Variants in POTEC observed in about 807,000 individuals in gnomAD.
The protein encoded by POTEC is ANKRD26-like family B member 2.
In POTEC, 35 loss-of-function variants were observed where a neutral mutation model predicts 62.0. That is an observed-to-expected ratio of 0.56 (90% CI 0.43 to 0.75). The LOEUF (loss-of-function observed/expected upper bound fraction) is 0.75, where lower values mean the gene tolerates loss of function less well. Ranked by LOEUF, POTEC falls within the 30% of genes least tolerant of loss-of-function variation. The pLI is 0.00. For synonymous variants in POTEC, 156 were observed against 221.5 expected, an observed-to-expected ratio of 0.70 and a Z score of 2.62; for missense variants, 472 against 655.9, an observed-to-expected ratio of 0.72 and a Z score of 3.06.
At chr18:14,521,894 C>A (rs1260010723) in intron 9 of POTEC, among the ~76,000 whole-genome samples, 1 of 152,082 alleles carries the variant, frequency 6.6e-6, no homozygotes, top group African/African-American at 2.4e-5. Flanking sequence ...CAAAAAACTA[C>A]CTCTCGAGTA....
At chr18:14,541,205 A>C (rs1905920931) in intron 1 of POTEC, among the ~76,000 whole-genome samples, 1 of 152,070 alleles carries the variant, frequency 6.6e-6, no homozygotes, top group Non-Finnish European at 1.5e-5. Flanking sequence ...TCCTCTTCTA[A>C]CTTAAACAGA....
At chr18:14,515,111 T>C (rs1232657807) in intron 9 of POTEC, among the ~76,000 whole-genome samples, 1 of 152,092 alleles carries the variant, frequency 6.6e-6, no homozygotes, top group Non-Finnish European at 1.5e-5. Context: ...ATTGATATTG[T>C]GAAAATGCCA....
chr18:14,518,858 G>A (rs1910237286), intron 9 of POTEC, among the ~76,000 whole-genome samples: 1 of 151,046 alleles, frequency 6.6e-6, no homozygotes, highest in South Asian at 2.1e-4. Context: ...AGCAGAGCAA[G>A]GGAGATAATT....
chr18:14,517,258 C>T (rs1910190415), intron 9 of POTEC, among the ~76,000 whole-genome samples: 1 of 152,142 alleles, frequency 6.6e-6, no homozygotes, highest in African/African-American at 2.4e-5. Flanking sequence ...TTGACTCTAA[C>T]TTATGAAAGA....
At position 14,533,070 on chromosome 18, in the gene POTEC, T is replaced by C; in HGVS notation, c.1046A>G (p.His349Arg). Residue 349 changes from histidine (H) to arginine (R), a missense_variant, in exon 5 of 11, where the codon CAT (histidine) becomes CGT (arginine). By Grantham distance (29) the His-to-Arg change is conservative. Transcript: ENST00000358970. ...QTAREYAVSS[H>R]HHVICELLSD... is the part of the protein sequence containing the mutation. Reference sequence around the variant, plus strand: ...TCATGTAAACACTTACACATGATGATGACTAGAAACAGCATACTCTCTGGC... The same window carrying C: ...TCATGTAAACACTTACACATGATGACGACTAGAAACAGCATACTCTCTGGC... The C allele has an allele frequency of 6.2e-7, 1 of 1,610,356 alleles. No individual in the cohort carries two copies. The highest frequency in any genetic ancestry group is 2.3e-4 in the Middle Eastern group (1 of 4,414).
At chr18:14,514,250 T>G (rs1180560049) in intron 9 of POTEC, among the ~76,000 whole-genome samples, 1 of 151,394 alleles carries the variant, frequency 6.6e-6, no homozygotes, top group Non-Finnish European at 1.5e-5. Flanking sequence ...TGCAATAGGG[T>G]TCAAGTCACA....
rs1391235314 is a variant in POTEC at position 14,507,717 on chromosome 18, G to T, written c.*4181C>A. The T allele has an allele frequency of 2.0e-5, 3 of 152,100 alleles. No individual in the cohort carries two copies. The highest frequency in any genetic ancestry group is 4.4e-5 in the Non-Finnish European group (3 of 68,022). The allele number at this position is 152,100 out of a possible 1,614,324, so 9.4% of individuals were successfully genotyped here. ...GTGTGTTTTTGTAGTGGCTGGTGGTGGTCTTTTCTTTCCATATTTAGTGCT... is the reference window on the plus strand; with the variant it reads ...GTGTGTTTTTGTAGTGGCTGGTGGTTGTCTTTTCTTTCCATATTTAGTGCT... On this transcript the variant is annotated 3_prime_UTR_variant, in exon 11 of 11. Coordinates refer to ENST00000358970, the MANE Select transcript of POTEC (RefSeq NM_001137671.2).
At chr18:14,541,876 T>C (rs574512800) in intron 1 of POTEC, among the ~76,000 whole-genome samples, 204 of 152,304 alleles carry the variant, frequency 1.3e-3, no homozygotes, top group Non-Finnish European at 2.4e-3. Flanking sequence ...TATTTGGGTA[T>C]TTCTGGATTT....
chr18:14,530,520 T>G lies in POTEC; in HGVS notation c.1089A>C (p.Lys363Asn). Residue 363 changes from lysine to asparagine, a missense_variant, in exon 6 of 11, where the codon AAA (lysine) becomes AAC (asparagine). Transcript: ENST00000358970. Reference sequence around the variant, plus strand: ...TTTCAGAAGAGATTTTTAGCATCTGTTTTTCTTTATAGTCAGAAAGTAATT... The same window carrying G: ...TTTCAGAAGAGATTTTTAGCATCTGGTTTTCTTTATAGTCAGAAAGTAATT... ...ICELLSDYKE[K>N]QMLKISSENS... The G allele has an allele frequency of 6.3e-7, 1 of 1,595,700 alleles. No homozygotes were observed. Among genetic ancestry groups the G allele is most frequent in the Non-Finnish European group, 8.5e-7 (1 of 1,170,380 alleles).
At chr18:14,528,279 T>C (rs1012390063) in intron 6 of POTEC, among the ~76,000 whole-genome samples, 5 of 152,158 alleles carry the variant, frequency 3.3e-5, no homozygotes, top group Non-Finnish European at 5.9e-5. Flanking sequence ...GCAGCACACA[T>C]TGTTGGCTCC....
chr18:14,516,144 C>T (rs1161999817), intron 9 of POTEC, among the ~76,000 whole-genome samples: 3 of 150,060 alleles, frequency 2.0e-5, no homozygotes, highest in African/African-American at 7.4e-5. Flanking sequence ...CCATTCTATC[C>T]AGCATTCTCA....
rs569572434 is a variant in POTEC at position 14,537,497 on chromosome 18, T to C, written c.810+304A>G. On this transcript the variant is annotated intron_variant, in intron 3 of 10. Coordinates refer to ENST00000358970, the MANE Select transcript of POTEC (RefSeq NM_001137671.2). ...TATTTCCAGGGCAAATTTTGTCATT[T>C]TACATTCGTTAGGGAAAAAAAAGTT... 2.6e-5 allele frequency among the ~76,000 whole-genome samples: 4 copies of C among 152,238 alleles called. No individual in the cohort carries two copies. In the East Asian group the frequency reaches 7.7e-4, roughly 29 times the overall value.
At chr18:14,527,112 T>A (rs45625036) in intron 6 of POTEC, among the ~76,000 whole-genome samples, 31,996 of 151,740 alleles carry the variant, frequency 0.21, 3,913 homozygotes, top group East Asian at 0.47. Context: ...AAGCAAAAAA[T>A]CACACTGTGT....
At chr18:14,517,084 T>C (rs1015001622) in intron 9 of POTEC, among the ~76,000 whole-genome samples, 2 of 148,652 alleles carry the variant, frequency 1.3e-5, no homozygotes, top group Admixed American at 6.7e-5. Flanking sequence ...CAGAGAAATA[T>C]GTATTTTTTT....
chr18:14,531,996 G>C (rs1905539405), intron 5 of POTEC, among the ~76,000 whole-genome samples: 1 of 151,244 alleles, frequency 6.6e-6, no homozygotes, highest in Non-Finnish European at 1.5e-5. Context: ...GATCACTCAA[G>C]GGGCCAACCA....
At position 14,508,030 on chromosome 18, in the gene POTEC, T is replaced by A. The variant is rs565785179; in HGVS notation, c.*3868A>T. 3.3e-5 allele frequency: 5 copies of A among 152,306 alleles called. No homozygotes were observed. Among genetic ancestry groups the A allele is most frequent in the African/African-American group, 1.2e-4 (5 of 41,556 alleles). The allele number at this position is 152,306 out of a possible 1,614,324, so 9.4% of individuals were successfully genotyped here. On this transcript the variant is annotated 3_prime_UTR_variant, in exon 11 of 11. Transcript: ENST00000358970. ...TTTATTTTGACCTCAGAGAATCTGA[T>A]GATTATGTGTCTTGGGGATGATCTT...
rs1555622932 is a variant in POTEC at position 14,516,335 on chromosome 18, T to TAC, written c.1410-2552_1410-2551dup. ...ATATATATATATATATATATATATA[T>TAC]ACCTATACCTGAGACTGGGTAATTC... On this transcript the variant is annotated intron_variant, in intron 9 of 10. Transcript: ENST00000358970. Among the ~76,000 whole-genome samples, 217 of 69,944 alleles carry TAC rather than the reference T, an allele frequency of 3.1e-3. 19 individuals are homozygous for TAC. Among genetic ancestry groups the TAC allele is most frequent in the Non-Finnish European group, 5.1e-3 (192 of 37,534 alleles). 45.9% of individuals were successfully genotyped at this position (69,944 alleles called of 152,430 possible). A position where few individuals can be genotyped will look rare whatever the true frequency, so the allele number is the denominator to read the frequency against.
intron 9 of POTEC, among the ~76,000 whole-genome samples, chr18:14,519,219 A>T (rs1910246856): frequency 6.6e-6 from 1 of 152,202 alleles, no homozygotes; most frequent in South Asian, 2.1e-4. Context: ...AGTTGCCCTT[A>T]ACCAAAGTAG....
intron 9 of POTEC, among the ~76,000 whole-genome samples, chr18:14,516,952 A>C (rs1397618836): frequency 6.6e-6 from 1 of 151,090 alleles, no homozygotes; most frequent in East Asian, 2.0e-4. Flanking sequence ...ACTACCATAT[A>C]CATACATGAA....
Sources: gnomAD v4.1 joint callset for allele counts (sites outside exome capture counted in the v4.1 genomes callset) on GRCh38, gnomAD v4.1.1 for gene constraint, MANE v1.5 for transcripts, NCBI Gene and HGNC (gene_info 2026-07-23, HGNC 2026-07-21) for gene names.